The following PCSK5 variants were observed in gnomAD, a reference collection of about 807,000 sequenced individuals.
PCSK5 encodes prohormone convertase 5.
PCSK5 carries 129 observed loss-of-function variants against 233.2 expected under a neutral mutation model. The ratio of observed to expected loss-of-function variants is 0.55; its 90% CI spans 0.48 to 0.64. PCSK5 has a LOEUF of 0.64. PCSK5 is among the 30% of genes least tolerant of loss of function. The pLI, the probability that PCSK5 is intolerant of heterozygous loss-of-function variation, is 0.00. For missense variants in PCSK5, 2,076 were observed against 2,430.1 expected (o/e 0.85, Z 3.06); for synonymous variants, 825 against 879.2 (o/e 0.94, Z 1.09).
At chr9:76,175,217 G>GAATGGAATGA (rs1823524337) in intron 14 of PCSK5, 88 bp downstream of exon 14, 3 of 541,536 alleles carry the variant, frequency 5.5e-6, no homozygotes, top group Non-Finnish European at 9.7e-6. Context: ...GAATGGAATG[G>GAATGGAATGA]AATGAAATGG....
intron 22 of PCSK5, among the ~76,000 whole-genome samples, chr9:76,238,129 G>A (rs998621150): frequency 3.3e-5 from 5 of 152,204 alleles, no homozygotes; most frequent in Admixed American, 1.3e-4. Context: ...TGGATACCCC[G>A]AGCACACTCA....
chr9:76,023,648 G>GAA lies in PCSK5; in HGVS notation c.412-80_412-79dup, dbSNP rs368950379. The GAA allele has an allele frequency of 4.1e-3, 4,163 of 1,018,576 alleles. 36 individuals carry two copies. The African/African-American group carries it at 0.048, about 12-fold the overall frequency. The allele number at this position is 1,018,576 out of a possible 1,614,324, so 63.1% of individuals were successfully genotyped here. ...ACTACACTCCAGCCTGGGCAGCAGAGAAAAAAAAAAACAAAAGAAAGAAAG... is the reference window on the plus strand; with the variant it reads ...ACTACACTCCAGCCTGGGCAGCAGAGAAAAAAAAAAAAACAAAAGAAAGAAAG... On this transcript the variant is annotated intron_variant, in intron 3 of 37. Coordinates refer to ENST00000674117, the MANE Select transcript of PCSK5 (RefSeq NM_001372043.1).
At chr9:76,239,219 C>A in intron 23 of PCSK5, 54 bp downstream of exon 23, 1 of 1,413,422 alleles carries the variant, frequency 7.1e-7, no homozygotes, top group Non-Finnish European at 9.8e-7. Context: ...GGAGGGGCTG[C>A]ACCCTGGATG....
intron 20 of PCSK5, chr9:76,195,572 T>TA (rs928502848): frequency 5.3e-5 from 8 of 152,166 alleles, no homozygotes; most frequent in African/African-American, 1.9e-4. Context: ...AAGTTTAAGT[T>TA]AATGTTATAT....
At chr9:76,195,890 T>C (rs994943096) in intron 20 of PCSK5, 7 of 152,218 alleles carry the variant, frequency 4.6e-5, no homozygotes, top group Admixed American at 2.0e-4. Context: ...TTCCTGTTTA[T>C]TTGATCTGTT....
intron 24 of PCSK5, among the ~76,000 whole-genome samples, chr9:76,260,558 A>G (rs1162991709): frequency 6.6e-6 from 1 of 152,204 alleles, no homozygotes; most frequent in African/African-American, 2.4e-5. Flanking sequence ...TAAAAGCCAA[A>G]TACAACCCTC....
chr9:76,024,591 G>A (rs1402516451), intron 4 of PCSK5, among the ~76,000 whole-genome samples: 1 of 152,184 alleles, frequency 6.6e-6, no homozygotes, highest in African/African-American at 2.4e-5. Flanking sequence ...CTTGTCACAC[G>A]CGAAGAGGGT....
chr9:76,114,471 G>T (rs1340202255), intron 9 of PCSK5, among the ~76,000 whole-genome samples: 1 of 152,060 alleles, frequency 6.6e-6, no homozygotes, highest in Non-Finnish European at 1.5e-5. Flanking sequence ...TTAACTAATG[G>T]TTTCAAAAAC....
At chr9:75,906,680 A>G (rs909814141) in intron 1 of PCSK5, among the ~76,000 whole-genome samples, 7 of 152,182 alleles carry the variant, frequency 4.6e-5, no homozygotes, top group African/African-American at 1.7e-4. Context: ...GGAGCTTGAG[A>G]TTAGAGAGGA....
chr9:76,351,422 GC>G lies in PCSK5; in HGVS notation c.5067+502del, dbSNP rs201247391. Among the ~76,000 whole-genome samples, 29 of 97,102 alleles carry G rather than the reference GC, an allele frequency of 3.0e-4. No individual in the cohort carries two copies. In the South Asian group the frequency reaches 6.0e-3, roughly 20 times the overall value. 63.7% of individuals were successfully genotyped at this position (97,102 alleles called of 152,430 possible). On this transcript the variant is annotated intron_variant, in intron 36 of 37. Coordinates refer to ENST00000674117, the MANE Select transcript of PCSK5 (RefSeq NM_001372043.1). ...GAATTTCTGGTTTCTACCAGAAACC[GC>G]CCCCCCCTGCAATGTGAAAGAAAGG...
intron 3 of PCSK5, among the ~76,000 whole-genome samples, chr9:76,016,510 T>C (rs762796815): frequency 3.3e-5 from 5 of 152,188 alleles, no homozygotes; most frequent in Admixed American, 2.0e-4. Flanking sequence ...CAGAGAGTTA[T>C]ACATATAAAA....
intron 12 of PCSK5, among the ~76,000 whole-genome samples, chr9:76,165,313 G>C (rs186970375): frequency 6.6e-6 from 1 of 152,160 alleles, no homozygotes; most frequent in Non-Finnish European, 1.5e-5. Context: ...CTGAAATTAA[G>C]ATCCATTTAC....
intron 2 of PCSK5, among the ~76,000 whole-genome samples, chr9:75,955,940 G>A (rs1409364020): frequency 1.3e-5 from 2 of 152,116 alleles, no homozygotes; most frequent in African/African-American, 2.4e-5. Flanking sequence ...GGTTGGCACT[G>A]TTAGTAGTCT....
intron 20 of PCSK5, among the ~76,000 whole-genome samples, chr9:76,202,032 T>C (rs1824933839): frequency 6.6e-6 from 1 of 152,220 alleles, no homozygotes; most frequent in African/African-American, 2.4e-5. Flanking sequence ...ATGGTTGCAA[T>C]ATAATAAAAG....
chr9:75,920,796 A>G (rs1177361697), intron 1 of PCSK5, among the ~76,000 whole-genome samples: 1 of 152,046 alleles, frequency 6.6e-6, no homozygotes, highest in African/African-American at 2.4e-5. Flanking sequence ...ACAGAGTAAG[A>G]CTCTGCCTCC....
In PCSK5 at chr9:76,227,560, G is replaced by A; in HGVS notation, c.2684G>A (p.Cys895Tyr). ...ACCTGTGAGGCCTCATGTGCCAAGT[G>A]CCAGGGACCAACCCAGGAAGACTGC... is the stretch of plus-strand genomic sequence containing the variant. Reference protein sequence around the residue: ...CQTCEASCAKCQGPTQEDCTT... With the variant: ...CQTCEASCAKYQGPTQEDCTT... The change falls in exon 21 of 38, where the codon TGC becomes TAC. Residue 895 changes from cysteine (C) to tyrosine (Y), a missense_variant. Cys to Tyr is a radical substitution (Grantham distance 194, BLOSUM62 -2). This residue lies in a region of PCSK5 where 1,510 missense variants were observed against 1,538.1 expected (regional missense o/e 0.98). Coordinates refer to ENST00000674117, the MANE Select transcript of PCSK5 (RefSeq NM_001372043.1). 1 of 1,612,198 alleles carries A rather than the reference G, an allele frequency of 6.2e-7. No individual in the cohort carries two copies. The highest frequency in any genetic ancestry group is 8.5e-7 in the Non-Finnish European group (1 of 1,179,634).
intron 2 of PCSK5, among the ~76,000 whole-genome samples, chr9:75,934,667 C>T (rs1435903802): frequency 1.3e-5 from 2 of 151,708 alleles, no homozygotes; most frequent in Non-Finnish European, 2.9e-5. Flanking sequence ...CTACAACCTC[C>T]AACTCCCGGG....
In PCSK5 at chr9:75,997,315, C is replaced by T. The variant is rs773890383; in HGVS notation, c.411+11070C>T. On this transcript the variant is annotated intron_variant, in intron 3 of 37. Transcript: ENST00000674117. Reference sequence around the variant, plus strand: ...TAGCAGTGAACTTGGCTAGGAAATTCATGGAGTAAAAGGAATGATTTTTAG... The same window carrying T: ...TAGCAGTGAACTTGGCTAGGAAATTTATGGAGTAAAAGGAATGATTTTTAG... Among the ~76,000 whole-genome samples, 113 of 152,232 alleles carry T rather than the reference C, an allele frequency of 7.4e-4. 4 individuals carry two copies. Among genetic ancestry groups the T allele is most frequent in the Middle Eastern group, 6.8e-3 (2 of 294 alleles).
At chr9:76,172,397 A>G (rs745416284) in intron 13 of PCSK5, among the ~76,000 whole-genome samples, 20 of 152,214 alleles carry the variant, frequency 1.3e-4, no homozygotes, top group Admixed American at 7.2e-4. Flanking sequence ...TGGCCCAAAT[A>G]TGGCAGTTAT....
Sources: allele counts gnomAD v4.1 joint callset (sites outside exome capture counted in the v4.1 genomes callset), GRCh38; gene constraint gnomAD v4.1.1; regional missense constraint gnomAD v4.1.1; transcripts MANE v1.5; gene names NCBI Gene and HGNC (gene_info 2026-07-23, HGNC 2026-07-21).